Variants in KLF12 observed in about 807,000 individuals in gnomAD.
KLF12 encodes KLF transcription factor 12.
Under a neutral mutation model 37.8 loss-of-function variants are expected in KLF12, and 9 were observed. The observed-to-expected ratio is 0.24, with a 90% CI of 0.14 to 0.42. KLF12 has a LOEUF of 0.42. Among genes scored for constraint, KLF12 ranks in the 10% least tolerant of loss-of-function variants. KLF12 has a pLI of 1.00. For synonymous variants in KLF12, 208 were observed against 202.1 expected, an observed-to-expected ratio of 1.03 and a Z score of -0.25; for missense variants, 411 against 516.0, an observed-to-expected ratio of 0.80 and a Z score of 1.97.
intron 5 of KLF12, among the ~76,000 whole-genome samples, chr13:73,778,668 G>A (rs547214307): frequency 1.3e-5 from 2 of 152,226 alleles, no homozygotes; most frequent in South Asian, 4.1e-4. Flanking sequence ...CCTGGCCTGT[G>A]CTAAGAGTTT....
intron 1 of KLF12, among the ~76,000 whole-genome samples, chr13:74,045,840 T>C (rs1422252786): frequency 1.3e-5 from 2 of 152,192 alleles, no homozygotes; most frequent in East Asian, 1.9e-4. Flanking sequence ...TCCAGGGCTG[T>C]TCCTGCCCTG....
At chr13:74,227,295 C>G in the KLF12 span, among the ~76,000 whole-genome samples, 1 of 152,042 alleles carries the variant, frequency 6.6e-6, no homozygotes, top group East Asian at 1.9e-4. Flanking sequence ...GTGTTGTACC[C>G]CTGTCACAGG....
intron 5 of KLF12, among the ~76,000 whole-genome samples, chr13:73,773,242 C>T (rs1392266642): frequency 6.6e-6 from 1 of 151,982 alleles, no homozygotes; most frequent in African/African-American, 2.4e-5. Context: ...GGGCCAGGAC[C>T]CCAGAGAACA....
intron 7 of KLF12, among the ~76,000 whole-genome samples, chr13:73,706,613 G>A (rs866854549): frequency 3.3e-5 from 5 of 152,190 alleles, no homozygotes; most frequent in African/African-American, 1.2e-4. Context: ...CCTTGTTGGA[G>A]GTGGCACTGA....
At chr13:73,896,261 A>C (rs1288747356) in intron 3 of KLF12, among the ~76,000 whole-genome samples, 13 of 152,216 alleles carry the variant, frequency 8.5e-5, no homozygotes, top group Non-Finnish European at 1.5e-4. Flanking sequence ...GTTCATGATG[A>C]CTCAGATAGT....
In KLF12 at chr13:73,846,181, A is replaced by G. The variant is rs751960316; in HGVS notation, c.316T>C (p.Ser106Pro). ...GAAGTTGAAGAAGGTGAGGAGGCAG[A>G]TGCTGTCATGGAAACTGGGGAGGAT... Residue 106 changes from serine to proline, a missense_variant, in exon 4 of 8, where the codon TCT (serine) becomes CCT (proline). Coordinates refer to ENST00000377669, the MANE Select transcript of KLF12 (RefSeq NM_007249.5). The G allele has an allele frequency of 3.7e-6, 6 of 1,614,020 alleles. No individual in the cohort carries two copies. The Admixed American group carries it at 1.0e-4, about 27-fold the overall frequency.
At chr13:73,725,457 T>C (rs186059598) in intron 6 of KLF12, among the ~76,000 whole-genome samples, 1 of 152,124 alleles carries the variant, frequency 6.6e-6, no homozygotes, top group Non-Finnish European at 1.5e-5. Flanking sequence ...AAACTTATAA[T>C]GATAAACAAG....
At chr13:73,906,079 T>C (rs977128905) in intron 3 of KLF12, among the ~76,000 whole-genome samples, 1 of 152,160 alleles carries the variant, frequency 6.6e-6, no homozygotes, top group Non-Finnish European at 1.5e-5. Flanking sequence ...AGTCATCAAC[T>C]CTCACCACAA....
chr13:74,271,657 C>T, the KLF12 span, among the ~76,000 whole-genome samples: 55,694 of 152,030 alleles, frequency 0.37, 12,813 homozygotes, highest in African/African-American at 0.66. Context: ...TATCTATCAG[C>T]TAAAGATATA....
intron 1 of KLF12, among the ~76,000 whole-genome samples, chr13:74,078,149 C>G (rs1312222125): frequency 6.6e-6 from 1 of 152,170 alleles, no homozygotes; most frequent in Non-Finnish European, 1.5e-5. Context: ...CATGGGAGTT[C>G]TGGAACCTAC....
At chr13:74,278,854 T>C in the KLF12 span, among the ~76,000 whole-genome samples, 1 of 152,222 alleles carries the variant, frequency 6.6e-6, no homozygotes, top group Non-Finnish European at 1.5e-5. Flanking sequence ...TATCCAGTTA[T>C]AGTGTCACTG....
At chr13:73,806,763 T>A (rs1167454197) in intron 5 of KLF12, among the ~76,000 whole-genome samples, 1 of 151,968 alleles carries the variant, frequency 6.6e-6, no homozygotes, top group African/African-American at 2.4e-5. Context: ...ATGGGGCAAA[T>A]TAAATGAAAA....
intron 1 of KLF12, among the ~76,000 whole-genome samples, chr13:74,027,327 C>T (rs1775646053): frequency 6.6e-6 from 1 of 152,008 alleles, no homozygotes. Context: ...CCCCCTCTCC[C>T]TTTTTTCATC....
At chr13:74,023,794 C>T (rs1279760525) in intron 1 of KLF12, among the ~76,000 whole-genome samples, 1 of 152,186 alleles carries the variant, frequency 6.6e-6, no homozygotes, top group African/African-American at 2.4e-5. Flanking sequence ...AACCCAGGAA[C>T]TAACTAGCAG....
chr13:74,300,966 G>A, the KLF12 span, among the ~76,000 whole-genome samples: 3 of 152,132 alleles, frequency 2.0e-5, no homozygotes, highest in Middle Eastern at 0.01. Flanking sequence ...ACATCCTTTG[G>A]CTTAGGACAA....
At chr13:74,241,473 C>T in the KLF12 span, among the ~76,000 whole-genome samples, 1 of 152,234 alleles carries the variant, frequency 6.6e-6, no homozygotes, top group African/African-American at 2.4e-5. Flanking sequence ...GGGCTCCACC[C>T]AGTTCGAGCT....
the KLF12 span, among the ~76,000 whole-genome samples, chr13:74,285,802 G>A: frequency 6.6e-6 from 1 of 152,148 alleles, no homozygotes; most frequent in Admixed American, 6.5e-5. Context: ...AGATTGCAAG[G>A]TAAAAGTGCA....
At chr13:73,821,297 G>A (rs746730470) in intron 4 of KLF12, among the ~76,000 whole-genome samples, 4 of 152,122 alleles carry the variant, frequency 2.6e-5, no homozygotes, top group Non-Finnish European at 5.9e-5. Flanking sequence ...TATCTCAGAA[G>A]GGATGAATAC....
chr13:74,205,136 G>T, the KLF12 span, among the ~76,000 whole-genome samples: 1 of 152,070 alleles, frequency 6.6e-6, no homozygotes, highest in Non-Finnish European at 1.5e-5. Context: ...TATTTCACTA[G>T]TGGTCATCTA....
Sources: allele counts gnomAD v4.1 joint callset (sites outside exome capture counted in the v4.1 genomes callset), GRCh38; gene constraint gnomAD v4.1.1; transcripts MANE v1.5; gene names NCBI Gene and HGNC (gene_info 2026-07-23, HGNC 2026-07-21).